The following LDB2 variants were observed in gnomAD, a reference collection of about 807,000 sequenced individuals.
LDB2 encodes LIM domain binding 2, also known as LIM domain-binding protein 2.
A neutral mutation model predicts 44.3 loss-of-function variants in LDB2; 12 were observed. The ratio of observed to expected loss-of-function variants is 0.27; its 90% CI spans 0.17 to 0.44. The LOEUF is 0.44. Ranked by LOEUF, LDB2 falls within the 20% of genes least tolerant of loss-of-function variation. The probability of loss-of-function intolerance (pLI) is 1.00; values close to 1 mark genes in which losing one functional copy is unlikely to be tolerated. For missense variants in LDB2, 344 were observed against 473.5 expected (o/e 0.73, Z 2.54); for synonymous variants, 164 against 174.8 (o/e 0.94, Z 0.49).
chr4:16,849,937 CTG>C (rs1172611021), intron 1 of LDB2, among the ~76,000 whole-genome samples: 1 of 152,178 alleles, frequency 6.6e-6, no homozygotes, highest in Non-Finnish European at 1.5e-5. Context: ...AAAAACAAAA[CTG>C]TGAAAAGTAG....
At chr4:16,652,447 C>G (rs1738549939) in intron 2 of LDB2, among the ~76,000 whole-genome samples, 1 of 152,134 alleles carries the variant, frequency 6.6e-6, no homozygotes, top group Non-Finnish European at 1.5e-5. Context: ...AGCTTAGTTG[C>G]CGAGTGAGAA....
chr4:16,620,269 A>T (rs143264403), intron 2 of LDB2, among the ~76,000 whole-genome samples: 1 of 152,202 alleles, frequency 6.6e-6, no homozygotes, highest in African/African-American at 2.4e-5. Flanking sequence ...GGATAGGCTC[A>T]TATCAAGTCA....
At chr4:16,610,301 C>T (rs531079471) in intron 2 of LDB2, among the ~76,000 whole-genome samples, 3 of 152,174 alleles carry the variant, frequency 2.0e-5, no homozygotes, top group East Asian at 1.9e-4. Context: ...CAGAGTGCCT[C>T]GTCTCCTCCA....
intron 2 of LDB2, among the ~76,000 whole-genome samples, chr4:16,690,852 A>G (rs925557486): frequency 5.9e-5 from 9 of 152,214 alleles, no homozygotes; most frequent in Non-Finnish European, 1.5e-5. Context: ...ACTGAATTCT[A>G]GAAGTATTTT....
intron 2 of LDB2, among the ~76,000 whole-genome samples, chr4:16,703,150 A>G (rs1186443891): frequency 6.6e-6 from 1 of 152,252 alleles, no homozygotes; most frequent in Middle Eastern, 3.2e-3. Flanking sequence ...AACATAAACA[A>G]TATTCCAGAA....
chr4:16,790,624 G>A lies in LDB2; in HGVS notation c.133-31364C>T, dbSNP rs150955732. 5.2e-4 allele frequency among the ~76,000 whole-genome samples: 79 copies of A among 151,986 alleles called. 1 individual carries two copies. The highest frequency in any genetic ancestry group is 1.4e-3 in the African/African-American group (59 of 41,518). ...GCGTTTTTCAGAACGTATCCTTGTC[G>A]TTAAGCAATGCATGACCATTCAAAG... On this transcript the variant is annotated intron_variant, in intron 1 of 7. Transcript: ENST00000304523.
chr4:16,508,216 A>G (rs541770558), intron 7 of LDB2, among the ~76,000 whole-genome samples: 4 of 152,376 alleles, frequency 2.6e-5, no homozygotes, highest in African/African-American at 7.2e-5. Context: ...ATACGCCACC[A>G]GGCATGCTGC....
intron 5 of LDB2, among the ~76,000 whole-genome samples, chr4:16,522,150 C>G (rs907478147): frequency 1.5e-5 from 1 of 66,040 alleles, no homozygotes; most frequent in African/African-American, 4.9e-5. Flanking sequence ...GGAAAGTGCT[C>G]TATACATGTT....
intron 3 of LDB2, among the ~76,000 whole-genome samples, chr4:16,593,812 G>A (rs971253313): frequency 1.3e-5 from 2 of 152,104 alleles, no homozygotes; most frequent in Non-Finnish European, 2.9e-5. Context: ...AAGAAAGAAT[G>A]CAACACAGGA....
chr4:16,529,755 A>G (rs1729494998), intron 5 of LDB2, among the ~76,000 whole-genome samples: 2 of 152,130 alleles, frequency 1.3e-5, no homozygotes, highest in African/African-American at 2.4e-5. Context: ...ATGGTGTTTG[A>G]AAATCTGTTT....
At chr4:16,653,030 T>G (rs1024417293) in intron 2 of LDB2, among the ~76,000 whole-genome samples, 2 of 152,156 alleles carry the variant, frequency 1.3e-5, no homozygotes, top group Non-Finnish European at 2.9e-5. Context: ...TTCCTCAGAG[T>G]GTTTAGGAAC....
chr4:16,762,477 G>A lies in LDB2; in HGVS notation c.133-3217C>T, dbSNP rs572633222. On this transcript the variant is annotated intron_variant, in intron 1 of 7. Coordinates refer to ENST00000304523, the MANE Select transcript of LDB2 (RefSeq NM_001290.5). ...TTTAATTGACTCACAGTTCAGCATGGCTGGGGAGGCCTCAGGAAATTTACA... is the reference window on the plus strand; with the variant it reads ...TTTAATTGACTCACAGTTCAGCATGACTGGGGAGGCCTCAGGAAATTTACA... Among the ~76,000 whole-genome samples the A allele has an allele frequency of 6.6e-5, 10 of 152,282 alleles. No individual in the cohort carries two copies. The East Asian group carries it at 1.7e-3, about 26-fold the overall frequency.
intron 2 of LDB2, among the ~76,000 whole-genome samples, chr4:16,629,194 G>A (rs1403591098): frequency 6.6e-6 from 1 of 152,180 alleles, no homozygotes; most frequent in African/African-American, 2.4e-5. Context: ...TCTGGGGGCA[G>A]GGCATATCAG....
chr4:16,687,890 A>C (rs1289295335), intron 2 of LDB2, among the ~76,000 whole-genome samples: 2 of 152,226 alleles, frequency 1.3e-5, no homozygotes, highest in Non-Finnish European at 2.9e-5. Flanking sequence ...TATGGGGGCA[A>C]AACTGGTAGA....
chr4:16,724,041 T>C (rs1758904976), intron 2 of LDB2, among the ~76,000 whole-genome samples: 1 of 152,142 alleles, frequency 6.6e-6, no homozygotes, highest in Admixed American at 6.6e-5. Context: ...CAGCAGTGCC[T>C]AGTGCAGTGC....
At chr4:16,710,448 T>C (rs1412332003) in intron 2 of LDB2, among the ~76,000 whole-genome samples, 1 of 152,168 alleles carries the variant, frequency 6.6e-6, no homozygotes, top group East Asian at 1.9e-4. Flanking sequence ...GCCTTGTCAG[T>C]AACATAATGA....
At chr4:16,670,571 T>C (rs960125367) in intron 2 of LDB2, among the ~76,000 whole-genome samples, 2 of 152,168 alleles carry the variant, frequency 1.3e-5, no homozygotes, top group African/African-American at 2.4e-5. Flanking sequence ...ATTAAATAAA[T>C]AAAAACAGAG....
intron 2 of LDB2, among the ~76,000 whole-genome samples, chr4:16,668,766 G>C (rs1743983906): frequency 6.6e-6 from 1 of 152,122 alleles, no homozygotes; most frequent in South Asian, 2.1e-4. Flanking sequence ...AAGAGATTTA[G>C]GTGCAGTTAG....
intron 5 of LDB2, among the ~76,000 whole-genome samples, chr4:16,553,235 C>G (rs1577632977): frequency 6.6e-6 from 1 of 152,130 alleles, no homozygotes; most frequent in Non-Finnish European, 1.5e-5. Context: ...TCATTGCAGC[C>G]TTGAACTCCT....
Sources: gnomAD v4.1 joint callset for allele counts (sites outside exome capture counted in the v4.1 genomes callset) on GRCh38, gnomAD v4.1.1 for gene constraint, MANE v1.5 for transcripts, NCBI Gene and HGNC (gene_info 2026-07-23, HGNC 2026-07-21) for gene names.